Variants in RBPMS2 observed in about 807,000 individuals in gnomAD.
RBPMS2 encodes the protein RNA-binding protein with multiple splicing 2.
Under a neutral mutation model 25.7 loss-of-function variants are expected in RBPMS2, and 14 were observed. The observed-to-expected ratio is 0.55, with a 90% CI of 0.36 to 0.85. The LOEUF (loss-of-function observed/expected upper bound fraction) is 0.85. Ranked by LOEUF, RBPMS2 falls within the 40% of genes least tolerant of loss-of-function variation. RBPMS2 has a pLI of 0.01. For missense variants in RBPMS2, 252 were observed against 283.4 expected (o/e 0.89, Z 0.80); for synonymous variants, 127 against 115.6 (o/e 1.10, Z -0.63).
intron 6 of RBPMS2, among the ~76,000 whole-genome samples, chr15:64,745,834 CTCAGG>C: frequency 6.6e-6 from 1 of 152,270 alleles, no homozygotes; most frequent in Non-Finnish European, 1.5e-5. Flanking sequence ...GAGGCCTGGG[CTCAGG>C]CTGGGCTACT....
At chr15:64,741,858 A>C (rs1453042821) in intron 6 of RBPMS2, among the ~76,000 whole-genome samples, 1 of 152,202 alleles carries the variant, frequency 6.6e-6, no homozygotes, top group Admixed American at 6.5e-5. Flanking sequence ...ACATAGGGAG[A>C]TAATGTCTCT....
At chr15:64,765,523 G>A (rs1182772338) in intron 1 of RBPMS2, among the ~76,000 whole-genome samples, 2 of 151,310 alleles carry the variant, frequency 1.3e-5, no homozygotes, top group African/African-American at 4.9e-5. Flanking sequence ...AAGCTACAGT[G>A]AGCCGTAATC....
At chr15:64,762,218 T>G (rs940737501) in intron 1 of RBPMS2, among the ~76,000 whole-genome samples, 3 of 150,288 alleles carry the variant, frequency 2.0e-5, no homozygotes, top group South Asian at 2.1e-4. Context: ...GGCAGGGGGG[T>G]GGGGGGTGGT....
chr15:64,765,409 G>A (rs529787674), intron 1 of RBPMS2, among the ~76,000 whole-genome samples: 45 of 135,846 alleles, frequency 3.3e-4, no homozygotes, highest in African/African-American at 8.7e-4. Flanking sequence ...GCAAGACTCC[G>A]TCTCAAAAAA....
At chr15:64,767,719 C>A (rs1162477361) in intron 1 of RBPMS2, among the ~76,000 whole-genome samples, 4 of 152,182 alleles carry the variant, frequency 2.6e-5, no homozygotes, top group Non-Finnish European at 5.9e-5. Context: ...GTCACCCAGG[C>A]TGGAGTGCAG....
At chr15:64,759,123 G>A (rs1433551794) in intron 1 of RBPMS2, among the ~76,000 whole-genome samples, 4 of 151,756 alleles carry the variant, frequency 2.6e-5, no homozygotes, top group African/African-American at 9.7e-5. Context: ...CCACCTCCCC[G>A]GGAGGCCCCT....
chr15:64,744,530 C>A (rs1166995237), intron 6 of RBPMS2, among the ~76,000 whole-genome samples: 1 of 148,588 alleles, frequency 6.7e-6, no homozygotes, highest in African/African-American at 2.5e-5. Flanking sequence ...TGCACTCCAG[C>A]CTGGGCAACA....
At position 64,741,185 on chromosome 15, in the gene RBPMS2, A is replaced by T. The variant is rs532717350; in HGVS notation, c.625T>A (p.Cys209Ser). 1.3e-6 allele frequency: 2 copies of T among 1,582,070 alleles called. No homozygotes were observed. The highest frequency in any genetic ancestry group is 1.7e-6 in the Non-Finnish European group (2 of 1,163,730). The stretch of plus-strand genomic sequence containing the variant: ...GGCCAACACTTACTGAAAAACTAAC[A>T]GAACTGACGGTACTTCCATCCTTGC... The part of the protein sequence containing the change: ...TQQGWKYRQF[C>S] Residue 209 changes from cysteine to serine, a missense_variant, in exon 7 of 8, where the codon TGT becomes AGT. Transcript: ENST00000300069.
At chr15:64,745,058 CCCA>C (rs2083606237) in intron 6 of RBPMS2, among the ~76,000 whole-genome samples, 2 of 151,936 alleles carry the variant, frequency 1.3e-5, no homozygotes, top group African/African-American at 4.8e-5. Flanking sequence ...AGGTAATCTG[CCCA>C]CCTCGGCCTC....
intron 4 of RBPMS2, 66 bp downstream of exon 4, chr15:64,749,365 T>C (rs2083652913): frequency 8.3e-6 from 12 of 1,452,130 alleles, no homozygotes; most frequent in Non-Finnish European, 1.2e-5. Flanking sequence ...GGAAATAAGA[T>C]ACATCTGCAC....
intron 1 of RBPMS2, among the ~76,000 whole-genome samples, chr15:64,757,817 C>G (rs1595790613): frequency 6.6e-6 from 1 of 151,150 alleles, no homozygotes; most frequent in South Asian, 2.1e-4. Flanking sequence ...CTATCCCCCC[C>G]CACAAAAAAT....
intron 1 of RBPMS2, among the ~76,000 whole-genome samples, chr15:64,760,844 G>A (rs930810964): frequency 4.0e-5 from 6 of 150,388 alleles, no homozygotes; most frequent in Non-Finnish European, 8.9e-5. Context: ...CTCCACCAAG[G>A]ATACTGAGGC....
chr15:64,751,659 T>G (rs367878973), intron 1 of RBPMS2, 21 bp from the exon 2 acceptor site: 2 of 1,609,282 alleles, frequency 1.2e-6, no homozygotes, highest in African/African-American at 1.3e-5. Flanking sequence ...AGACCAGTGA[T>G]CAGGGCCAGG....
chr15:64,744,958 G>A (rs76875842), intron 6 of RBPMS2, among the ~76,000 whole-genome samples: 2 of 151,486 alleles, frequency 1.3e-5, no homozygotes, highest in Non-Finnish European at 2.9e-5. Flanking sequence ...GGGGTTACAG[G>A]TGCCCGCCAC....
At chr15:64,769,901 C>T (rs1245504178) in intron 1 of RBPMS2, among the ~76,000 whole-genome samples, 1 of 152,044 alleles carries the variant, frequency 6.6e-6, no homozygotes, top group Non-Finnish European at 1.5e-5. Flanking sequence ...AGATACCCGG[C>T]TGGGCGCGGT....
chr15:64,741,278 A>G (rs2083560142), intron 6 of RBPMS2, 36 bp from the exon 7 acceptor site: 1 of 1,532,726 alleles, frequency 6.5e-7, no homozygotes, highest in African/African-American at 1.4e-5. Context: ...CCAGCTGTGC[A>G]TCCCTTCCCT....
intron 5 of RBPMS2, 57 bp downstream of exon 5, chr15:64,748,943 G>T: frequency 6.3e-7 from 1 of 1,588,486 alleles, no homozygotes; most frequent in South Asian, 1.1e-5. Flanking sequence ...GCAAGAGCCT[G>T]CAAGTCTGCC....
At chr15:64,748,957 A>C in intron 5 of RBPMS2, 43 bp downstream of exon 5, 2 of 1,608,596 alleles carry the variant, frequency 1.2e-6, no homozygotes, top group Non-Finnish European at 1.7e-6. Context: ...GTCTGCCCTG[A>C]ATGCAACTCC....
chr15:64,759,495 C>G (rs898959054), intron 1 of RBPMS2, among the ~76,000 whole-genome samples: 2 of 152,114 alleles, frequency 1.3e-5, no homozygotes, highest in Admixed American at 1.3e-4. Context: ...CTCTGACAAA[C>G]CCATTCCCAT....
Sources: gnomAD v4.1 joint callset for allele counts (sites outside exome capture counted in the v4.1 genomes callset) on GRCh38, gnomAD v4.1.1 for gene constraint, MANE v1.5 for transcripts, NCBI Gene and HGNC (gene_info 2026-07-23, HGNC 2026-07-21) for gene names.